The following TMED3 variants were observed in gnomAD, a reference collection of about 807,000 sequenced individuals.
TMED3 encodes transmembrane p24 trafficking protein 3.
In TMED3, 9 loss-of-function variants were observed where a neutral mutation model predicts 15.0. The observed-to-expected ratio is 0.60, with a 90% CI of 0.36 to 1.04. The LOEUF (loss-of-function observed/expected upper bound fraction) is 1.04, where lower values mean the gene tolerates loss of function less well. Among genes scored for constraint, TMED3 ranks in the 50% least tolerant of loss-of-function variants. The pLI is 0.01. For synonymous variants in TMED3, 117 were observed against 121.4 expected (o/e 0.96, Z 0.24); for missense variants, 267 against 278.9 (o/e 0.96, Z 0.30).
intron 2 of TMED3, among the ~76,000 whole-genome samples, chr15:79,351,872 G>A (rs1041714956): frequency 6.6e-6 from 1 of 152,104 alleles, no homozygotes; most frequent in Non-Finnish European, 1.5e-5. Context: ...CGTATATGAT[G>A]GAATTCTACT....
chr15:79,374,746 G>T (rs1893397672), intron 2 of TMED3, among the ~76,000 whole-genome samples: 1 of 152,154 alleles, frequency 6.6e-6, no homozygotes, highest in African/African-American at 2.4e-5. Context: ...AATTATAAAG[G>T]CCTTCTTGTT....
chr15:79,339,562 G>C (rs1182357354), intron 2 of TMED3, among the ~76,000 whole-genome samples: 1 of 152,164 alleles, frequency 6.6e-6, no homozygotes, highest in African/African-American at 2.4e-5. Context: ...GTGTCGGATA[G>C]CTCCAAATTT....
intron 2 of TMED3, among the ~76,000 whole-genome samples, chr15:79,349,875 G>A (rs1330165767): frequency 6.6e-6 from 1 of 152,192 alleles, no homozygotes; most frequent in African/African-American, 2.4e-5. Flanking sequence ...ATCCCTGTTT[G>A]AAACTCACCT....
chr15:79,387,749 A>T (rs931658103), intron 2 of TMED3, among the ~76,000 whole-genome samples: 81 of 152,126 alleles, frequency 5.3e-4, no homozygotes, highest in African/African-American at 2.0e-3. Context: ...CATTTACCTG[A>T]GTCTTCTTTC....
At chr15:79,401,682 C>A (rs1225709685) in intron 2 of TMED3, among the ~76,000 whole-genome samples, 1 of 152,082 alleles carries the variant, frequency 6.6e-6, no homozygotes, top group Non-Finnish European at 1.5e-5. Flanking sequence ...TGGGGTAGTG[C>A]GAAAGAGTTA....
At position 79,379,518 on chromosome 15, in the gene TMED3, C is replaced by T. The variant is rs77672818; in HGVS notation, c.418-31882C>T. ...GCACATCTTGTAAGATATATTACTA[C>T]GAGCAATCAATAATGAAGTGATATA... On this transcript the variant is annotated intron_variant, in intron 2 of 2. Transcript: ENST00000424155. 1.4e-3 allele frequency among the ~76,000 whole-genome samples: 216 copies of T among 152,154 alleles called. 1 individual carries two copies. Among genetic ancestry groups the T allele is most frequent in the African/African-American group, 2.2e-3 (91 of 41,508 alleles).
intron 2 of TMED3, among the ~76,000 whole-genome samples, chr15:79,328,190 A>G (rs1157776201): frequency 6.6e-6 from 1 of 152,186 alleles, no homozygotes; most frequent in Admixed American, 6.5e-5. Flanking sequence ...AAGAAGCACA[A>G]GGGAGCCAGT....
chr15:79,394,185 G>A (rs947802225), intron 2 of TMED3, among the ~76,000 whole-genome samples: 7 of 152,104 alleles, frequency 4.6e-5, no homozygotes, highest in South Asian at 2.1e-4. Context: ...ACCAAATGGC[G>A]TTTACATAAT....
intron 2 of TMED3, among the ~76,000 whole-genome samples, chr15:79,328,332 A>C (rs1258413706): frequency 7.1e-6 from 1 of 141,290 alleles, no homozygotes; most frequent in Non-Finnish European, 1.6e-5. Flanking sequence ...TTGCATTTTT[A>C]ATTGTAAAAA....
At chr15:79,377,522 T>A (rs1181439350) in intron 2 of TMED3, among the ~76,000 whole-genome samples, 1 of 152,196 alleles carries the variant, frequency 6.6e-6, no homozygotes, top group African/African-American at 2.4e-5. Context: ...AATAACTTTT[T>A]AAAATATCTA....
At chr15:79,380,602 G>T (rs564159200) in intron 2 of TMED3, among the ~76,000 whole-genome samples, 347 of 147,194 alleles carry the variant, frequency 2.4e-3, no homozygotes, top group African/African-American at 7.3e-3. Flanking sequence ...TATATATATA[G>T]AGAGAGAGAG....
intron 2 of TMED3, among the ~76,000 whole-genome samples, chr15:79,380,154 C>T (rs1324779211): frequency 1.3e-5 from 2 of 151,968 alleles, no homozygotes; most frequent in Non-Finnish European, 2.9e-5. Flanking sequence ...AGTTCGAGAC[C>T]AGCCTGACCA....
At chr15:79,360,087 A>C (rs933446851) in intron 2 of TMED3, among the ~76,000 whole-genome samples, 1 of 152,234 alleles carries the variant, frequency 6.6e-6, no homozygotes, top group Non-Finnish European at 1.5e-5. Flanking sequence ...AGAAAAAGTT[A>C]GGATCTGGGG....
intron 2 of TMED3, among the ~76,000 whole-genome samples, chr15:79,329,221 G>C (rs1264542676): frequency 6.6e-6 from 1 of 152,182 alleles, no homozygotes; most frequent in Non-Finnish European, 1.5e-5. Context: ...AACAACCAGG[G>C]CCTGGCCTTT....
chr15:79,360,818 C>T (rs1036020197), intron 2 of TMED3, among the ~76,000 whole-genome samples: 27 of 152,220 alleles, frequency 1.8e-4, no homozygotes, highest in Non-Finnish European at 1.3e-4. Context: ...TCACTTAAAA[C>T]GAATACATAA....
chr15:79,323,001 C>T (rs2058774560), downstream of TMED3: 3 of 688,852 alleles, frequency 4.4e-6, no homozygotes, highest in Admixed American at 6.3e-5. Flanking sequence ...TGACTCCTCC[C>T]AGGTGACTGA....
At chr15:79,387,460 G>A (rs1250274889) in intron 2 of TMED3, among the ~76,000 whole-genome samples, 1 of 152,090 alleles carries the variant, frequency 6.6e-6, no homozygotes, top group South Asian at 2.1e-4. Context: ...ACCTTTATAA[G>A]TGTTGACATT....
intron 2 of TMED3, among the ~76,000 whole-genome samples, chr15:79,372,440 C>G (rs1893357425): frequency 6.6e-6 from 1 of 152,166 alleles, no homozygotes. Flanking sequence ...TCTCACACTG[C>G]TAATAAAGAC....
intron 2 of TMED3, among the ~76,000 whole-genome samples, chr15:79,361,085 A>G (rs1462797618): frequency 6.6e-6 from 1 of 152,118 alleles, no homozygotes; most frequent in African/African-American, 2.4e-5. Context: ...CTGGTCTTGT[A>G]CTTCTGGCCT....
Sources: allele counts gnomAD v4.1 joint callset (sites outside exome capture counted in the v4.1 genomes callset), GRCh38; gene constraint gnomAD v4.1.1; transcripts MANE v1.5; gene names NCBI Gene and HGNC (gene_info 2026-07-23, HGNC 2026-07-21).